PAPSS2: variants seen among roughly 807,000 people sequenced by gnomAD.
PAPSS2 encodes the protein bifunctional 3'-phosphoadenosine 5'-phosphosulfate synthase 2.
Under a neutral mutation model 66.5 loss-of-function variants are expected in PAPSS2, and 61 were observed. The observed-to-expected ratio is 0.92, with a 90% confidence interval of 0.75 to 1.14. PAPSS2 has a LOEUF of 1.14. Among genes scored for constraint, PAPSS2 ranks in the 50% most tolerant of loss-of-function variants. PAPSS2 has a pLI of 0.00. For missense variants in PAPSS2, 708 were observed against 789.6 expected (o/e 0.90, Z 1.24); for synonymous variants, 289 against 287.5 (o/e 1.01, Z -0.05).
In PAPSS2 at chr10:87,746,133, A is replaced by C. The variant is rs2131733134; in HGVS notation, c.*163A>C. 3 of 531,546 alleles carry C rather than the reference A, an allele frequency of 5.6e-6. No homozygotes were observed. Among genetic ancestry groups the C allele is most frequent in the South Asian group, 2.6e-5 (1 of 38,842 alleles). The allele number at this position is 531,546 out of a possible 1,614,324, so 32.9% of individuals were successfully genotyped here. A position where few individuals can be genotyped will look rare whatever the true frequency, so the allele number is the denominator to read the frequency against. ...TAAAAAAAAATATATATATATACAC[A>C]CACACATATACATACAAAGTCAAAC... On this transcript the variant is annotated 3_prime_UTR_variant, in exon 13 of 13. Coordinates refer to ENST00000456849, the MANE Select transcript of PAPSS2 (RefSeq NM_001015880.2).
intron 1 of PAPSS2, among the ~76,000 whole-genome samples, chr10:87,684,684 A>T (rs1469829824): frequency 6.6e-6 from 1 of 152,178 alleles, no homozygotes; most frequent in Non-Finnish European, 1.5e-5. Flanking sequence ...ATTTACCCAG[A>T]CTACCACTGA....
At position 87,715,935 on chromosome 10, in the gene PAPSS2, A is replaced by G. The variant is rs2302406; in HGVS notation, c.865+92A>G. 0.5 allele frequency: 405,748 copies of G among 810,444 alleles called. 107,941 individuals carry two copies. The highest frequency in any genetic ancestry group is 0.78 in the East Asian group (31,769 of 40,476). The allele number at this position is 810,444 out of a possible 1,614,324, so 50.2% of individuals were successfully genotyped here. A position where few individuals can be genotyped will look rare whatever the true frequency, so the allele number is the denominator to read the frequency against. On this transcript the variant is annotated intron_variant, in intron 7 of 12. Coordinates refer to ENST00000456849, the MANE Select transcript of PAPSS2 (RefSeq NM_001015880.2). The stretch of plus-strand genomic sequence containing the variant: ...TTGCAGGAACAGGAAGTTAGTCTTT[A>G]GTTTGCAAATCTTATTGCAAAACTG...
chr10:87,660,207 C>G, intron 1 of PAPSS2, 199 bp downstream of exon 1: 1 of 632,488 alleles, frequency 1.6e-6, no homozygotes. Context: ...CGCAGCCCCT[C>G]TCCACCCCGC....
chr10:87,666,710 A>C (rs1852819834), intron 1 of PAPSS2, among the ~76,000 whole-genome samples: 1 of 151,970 alleles, frequency 6.6e-6, no homozygotes, highest in Admixed American at 6.5e-5. Flanking sequence ...GGGTACCCTG[A>C]GGCCGTTTTG....
At chr10:87,722,200 A>G (rs1429493600) in intron 8 of PAPSS2, among the ~76,000 whole-genome samples, 1 of 152,122 alleles carries the variant, frequency 6.6e-6, no homozygotes, top group African/African-American at 2.4e-5. Context: ...ACCTGGTTGG[A>G]TTGTGTATGA....
intron 12 of PAPSS2, among the ~76,000 whole-genome samples, chr10:87,745,554 C>T: frequency 6.6e-6 from 1 of 152,136 alleles, no homozygotes; most frequent in Non-Finnish European, 1.5e-5. Flanking sequence ...GCTCCTCATG[C>T]TGAGGGTTCA....
chr10:87,680,381 T>A (rs1259486056), intron 1 of PAPSS2, among the ~76,000 whole-genome samples: 1 of 152,132 alleles, frequency 6.6e-6, no homozygotes, highest in Non-Finnish European at 1.5e-5. Context: ...CTTTCTTGGC[T>A]TTGGCACCTG....
intron 1 of PAPSS2, among the ~76,000 whole-genome samples, chr10:87,684,476 T>C (rs1226255059): frequency 1.3e-5 from 2 of 152,256 alleles, no homozygotes; most frequent in Non-Finnish European, 2.9e-5. Context: ...CAGTGTGACT[T>C]GTCCAACACA....
intron 1 of PAPSS2, among the ~76,000 whole-genome samples, chr10:87,706,376 T>C (rs1450767814): frequency 6.6e-6 from 1 of 151,710 alleles, no homozygotes; most frequent in East Asian, 1.9e-4. Flanking sequence ...TTGAACTTAA[T>C]GGCATTAATT....
chr10:87,705,818 C>T (rs1191274241), intron 1 of PAPSS2, among the ~76,000 whole-genome samples: 1 of 151,304 alleles, frequency 6.6e-6, no homozygotes, highest in African/African-American at 2.4e-5. Context: ...ACTGCAACCT[C>T]CGCCTCCCGG....
intron 1 of PAPSS2, among the ~76,000 whole-genome samples, chr10:87,681,915 G>T (rs1428534172): frequency 6.6e-6 from 1 of 152,142 alleles, no homozygotes; most frequent in Non-Finnish European, 1.5e-5. Flanking sequence ...CATTGTGTGG[G>T]TATACCACAT....
At chr10:87,664,405 T>C (rs1380626081) in intron 1 of PAPSS2, among the ~76,000 whole-genome samples, 1 of 152,196 alleles carries the variant, frequency 6.6e-6, no homozygotes, top group African/African-American at 2.4e-5. Context: ...AATATTGGAC[T>C]AACTTCTCTC....
At chr10:87,668,657 AATGT>A (rs1390301237) in intron 1 of PAPSS2, among the ~76,000 whole-genome samples, 1 of 110,792 alleles carries the variant, frequency 9.0e-6, no homozygotes, top group Non-Finnish European at 1.8e-5. Flanking sequence ...CTACTTTAAA[AATGT>A]GTGTGTGTGT....
intron 1 of PAPSS2, among the ~76,000 whole-genome samples, chr10:87,669,443 T>C (rs1055243275): frequency 1.3e-5 from 2 of 152,250 alleles, no homozygotes; most frequent in African/African-American, 4.8e-5. Flanking sequence ...TGAGTAATTA[T>C]GGCTCTTGGG....
intron 1 of PAPSS2, among the ~76,000 whole-genome samples, chr10:87,675,770 T>C (rs1852936006): frequency 6.6e-6 from 1 of 152,150 alleles, no homozygotes; most frequent in Non-Finnish European, 1.5e-5. Context: ...TCCTAGTGAA[T>C]ATGATTGAAT....
At chr10:87,695,161 C>T (rs1357750189) in intron 1 of PAPSS2, among the ~76,000 whole-genome samples, 1 of 152,100 alleles carries the variant, frequency 6.6e-6, no homozygotes, top group Non-Finnish European at 1.5e-5. Flanking sequence ...TTATTTCTTG[C>T]AGGTCTGGAG....
chr10:87,705,625 A>G (rs1853372885), intron 1 of PAPSS2, among the ~76,000 whole-genome samples: 1 of 152,188 alleles, frequency 6.6e-6, no homozygotes, highest in Admixed American at 6.5e-5. Flanking sequence ...CTGGATGACT[A>G]ATGACATTAA....
chr10:87,702,878 G>T (rs189421774), intron 1 of PAPSS2, among the ~76,000 whole-genome samples: 1 of 151,976 alleles, frequency 6.6e-6, no homozygotes, highest in African/African-American at 2.4e-5. Context: ...GAAATGCCCC[G>T]CCCCACCATG....
At chr10:87,724,747 T>C (rs1308556805) in intron 8 of PAPSS2, among the ~76,000 whole-genome samples, 1 of 149,034 alleles carries the variant, frequency 6.7e-6, no homozygotes, top group Non-Finnish European at 1.5e-5. Context: ...TATATCTGAA[T>C]TATATAATAT....
Sources: gnomAD v4.1 joint callset for allele counts (sites outside exome capture counted in the v4.1 genomes callset) on GRCh38, gnomAD v4.1.1 for gene constraint, MANE v1.5 for transcripts, NCBI Gene and HGNC (gene_info 2026-07-23, HGNC 2026-07-21) for gene names.